The following ABTB3 variants were observed in gnomAD, a reference collection of about 807,000 sequenced individuals.
ABTB3 encodes the protein ankyrin repeat- and BTB/POZ domain-containing protein 3.
At chr12:107,461,326 T>C in the ABTB3 span, among the ~76,000 whole-genome samples, 2 of 152,178 alleles carry the variant, frequency 1.3e-5, no homozygotes, top group Non-Finnish European at 2.9e-5. Context: ...AAATCCAGTA[T>C]GACTGGCATC....
chr12:107,407,681 T>C, the ABTB3 span, among the ~76,000 whole-genome samples: 1 of 152,176 alleles, frequency 6.6e-6, no homozygotes, highest in Non-Finnish European at 1.5e-5. Context: ...TGGAAAGAAC[T>C]GCAAAGTCAT....
the ABTB3 span, among the ~76,000 whole-genome samples, chr12:107,361,835 C>T: frequency 6.6e-6 from 1 of 152,100 alleles, no homozygotes; most frequent in East Asian, 1.9e-4. Context: ...AATTTTCCTC[C>T]ATGTGAGAGT....
At chr12:107,549,701 A>C in the ABTB3 span, among the ~76,000 whole-genome samples, 1 of 152,188 alleles carries the variant, frequency 6.6e-6, no homozygotes, top group Non-Finnish European at 1.5e-5. Context: ...ACCTTATAAA[A>C]ATTGCAGTGT....
the ABTB3 span, among the ~76,000 whole-genome samples, chr12:107,613,057 GC>G: frequency 6.6e-6 from 1 of 152,148 alleles, no homozygotes; most frequent in Non-Finnish European, 1.5e-5. Flanking sequence ...CCATCCTGAG[GC>G]CCCCAGCCCA....
chr12:107,362,218 T>C, the ABTB3 span, among the ~76,000 whole-genome samples: 8 of 152,234 alleles, frequency 5.3e-5, no homozygotes, highest in African/African-American at 9.6e-5. Context: ...TACCTACTCA[T>C]GAGCTGTGCT....
At chr12:107,475,863 G>C in the ABTB3 span, among the ~76,000 whole-genome samples, 10 of 152,044 alleles carry the variant, frequency 6.6e-5, no homozygotes, top group African/African-American at 2.4e-4. Flanking sequence ...GACAACAGAG[G>C]ATGTCCCGAC....
chr12:107,578,704 A>T, the ABTB3 span, among the ~76,000 whole-genome samples: 2 of 152,178 alleles, frequency 1.3e-5, no homozygotes, highest in African/African-American at 2.4e-5. Flanking sequence ...ATCCAATTCA[A>T]TTTCAAGTCA....
the ABTB3 span, among the ~76,000 whole-genome samples, chr12:107,500,623 T>C: frequency 1.3e-5 from 2 of 152,234 alleles, no homozygotes; most frequent in East Asian, 1.9e-4. Flanking sequence ...GTTTCCTCCC[T>C]GCCCTGCTCA....
chr12:107,323,125 C>T, the ABTB3 span, among the ~76,000 whole-genome samples: 3,344 of 152,254 alleles, frequency 0.022, 48 homozygotes, highest in Middle Eastern at 0.048. Flanking sequence ...CTTGAATCAT[C>T]TTTGCAAGTT....
At chr12:107,635,403 C>A in the ABTB3 span, 1 of 1,610,426 alleles carries the variant, frequency 6.2e-7, no homozygotes, top group East Asian at 2.2e-5. Context: ...GAGTGGTTCC[C>A]CCAGGCCTGT....
At chr12:107,330,301 T>TA in the ABTB3 span, among the ~76,000 whole-genome samples, 1 of 152,108 alleles carries the variant, frequency 6.6e-6, no homozygotes, top group Non-Finnish European at 1.5e-5. Context: ...ATTTGTGTTC[T>TA]AAAAAGATCA....
At chr12:107,469,853 CTTTCTTTCTTTCT>C in the ABTB3 span, among the ~76,000 whole-genome samples, 68 of 132,676 alleles carry the variant, frequency 5.1e-4, no homozygotes, top group Admixed American at 9.9e-4. Flanking sequence ...CTCTCTTTCT[CTTTCTTTCTTTCT>C]TTTCTTTCTT....
chr12:107,630,087 A>G, the ABTB3 span, among the ~76,000 whole-genome samples: 26 of 152,098 alleles, frequency 1.7e-4, no homozygotes, highest in African/African-American at 6.0e-4. Flanking sequence ...CACCTCCACA[A>G]ACATGGACAG....
At chr12:107,399,344 A>G in the ABTB3 span, among the ~76,000 whole-genome samples, 1 of 152,220 alleles carries the variant, frequency 6.6e-6, no homozygotes, top group Non-Finnish European at 1.5e-5. Context: ...AACACTGTGG[A>G]AACAGGATCT....
At chr12:107,580,129 T>C in the ABTB3 span, among the ~76,000 whole-genome samples, 9 of 152,338 alleles carry the variant, frequency 5.9e-5, no homozygotes, top group Middle Eastern at 3.4e-3. Context: ...ACTCTGGGAA[T>C]GAGACCCAGC....
At chr12:107,454,636 G>A in the ABTB3 span, among the ~76,000 whole-genome samples, 1 of 152,112 alleles carries the variant, frequency 6.6e-6, no homozygotes, top group African/African-American at 2.4e-5. Flanking sequence ...AGGTGCAGTG[G>A]GCATTGGCCA....
the ABTB3 span, among the ~76,000 whole-genome samples, chr12:107,538,514 T>C: frequency 0.11 from 16,440 of 152,176 alleles, 956 homozygotes; most frequent in African/African-American, 0.14. Context: ...TTTTCATAGC[T>C]TTCAGGGAGC....
chr12:107,578,576 A>T, the ABTB3 span, among the ~76,000 whole-genome samples: 1 of 151,732 alleles, frequency 6.6e-6, no homozygotes, highest in African/African-American at 2.4e-5. Context: ...CAAAGGAATG[A>T]TGAGGGGAGG....
At chr12:107,617,729 T>C in the ABTB3 span, 3 of 413,942 alleles carry the variant, frequency 7.2e-6, no homozygotes, top group East Asian at 1.2e-4. Flanking sequence ...TCAGCTGTCA[T>C]GAAGTAAGAA....
Sources: allele counts gnomAD v4.1 joint callset (sites outside exome capture counted in the v4.1 genomes callset), GRCh38; gene constraint gnomAD v4.1.1; transcripts MANE v1.5; gene names NCBI Gene and HGNC (gene_info 2026-07-23, HGNC 2026-07-21).